PTPDC1: variants seen among roughly 807,000 people sequenced by gnomAD.
PTPDC1 encodes the protein protein tyrosine phosphatase domain containing 1, also known as protein tyrosine phosphatase domain-containing protein 1.
In PTPDC1, 53 loss-of-function variants were observed where a neutral mutation model predicts 75.3. That is an observed-to-expected ratio of 0.70 (90% CI 0.56 to 0.88). The LOEUF (loss-of-function observed/expected upper bound fraction) is 0.88, where lower values mean the gene tolerates loss of function less well. Among genes scored for constraint, PTPDC1 ranks in the 40% least tolerant of loss-of-function variants. The pLI is 0.00. For synonymous variants in PTPDC1, 349 were observed against 366.2 expected, an observed-to-expected ratio of 0.95 and a Z score of 0.54; for missense variants, 925 against 998.6, an observed-to-expected ratio of 0.93 and a Z score of 0.99.
chr9:94,058,787 G>A (rs560562789), intron 1 of PTPDC1, among the ~76,000 whole-genome samples: 3 of 150,436 alleles, frequency 2.0e-5, no homozygotes, highest in Admixed American at 6.6e-5. Context: ...TCAGGAGTTC[G>A]AGACCAGCCT....
intron 2 of PTPDC1, among the ~76,000 whole-genome samples, chr9:94,075,251 G>A (rs559640154): frequency 1.3e-5 from 2 of 152,326 alleles, no homozygotes; most frequent in African/African-American, 4.8e-5. Context: ...AAACCACCCA[G>A]TGGGGGAATC....
intron 5 of PTPDC1, among the ~76,000 whole-genome samples, chr9:94,096,642 C>T (rs1827579474): frequency 6.6e-6 from 1 of 152,068 alleles, no homozygotes; most frequent in Non-Finnish European, 1.5e-5. Flanking sequence ...TACCACTAAG[C>T]CTGGCTTCCT....
At chr9:94,072,274 G>T (rs1564020746) in intron 2 of PTPDC1, among the ~76,000 whole-genome samples, 1 of 152,156 alleles carries the variant, frequency 6.6e-6, no homozygotes. Flanking sequence ...GCAAAGTGCT[G>T]GGATTATAGG....
In PTPDC1 at chr9:94,107,894, C is replaced by A. The variant is rs2118120097; in HGVS notation, c.2377C>A (p.Leu793Met). 1 of 1,609,958 alleles carries A rather than the reference C, an allele frequency of 6.2e-7. No homozygotes were observed. Among genetic ancestry groups the A allele is most frequent in the Middle Eastern group, 1.7e-4 (1 of 6,058 alleles). The change falls in exon 9 of 9, where the codon CTG becomes ATG. Residue 793 changes from leucine to methionine, a missense_variant. Leu to Met is a conservative substitution (Grantham distance 15). Transcript: ENST00000620992. ...NTLKKIFKHT[L>M]EEKRKMTKDG... ...CCTGAAGAAAATATTTAAGCACACGCTGGAAGAAAAAAGAAAAATGACAAA... is the reference window on the plus strand; with the variant it reads ...CCTGAAGAAAATATTTAAGCACACGATGGAAGAAAAAAGAAAAATGACAAA...
At chr9:94,088,105 G>C (rs373766809) in intron 3 of PTPDC1, 40 bp from the exon 4 acceptor site, 2 of 1,590,376 alleles carry the variant, frequency 1.3e-6, no homozygotes, top group Non-Finnish European at 1.7e-6. Context: ...TTTTTTAAAT[G>C]CTAGCTCCCA....
At chr9:94,045,597 A>G (rs1418877256) in intron 1 of PTPDC1, among the ~76,000 whole-genome samples, 1 of 152,196 alleles carries the variant, frequency 6.6e-6, no homozygotes, top group Non-Finnish European at 1.5e-5. Flanking sequence ...ATGGCCAGTG[A>G]TGATGAGCAT....
intron 3 of PTPDC1, 40 bp from the exon 4 acceptor site, chr9:94,088,105 G>A: frequency 6.3e-7 from 1 of 1,590,494 alleles, no homozygotes; most frequent in Non-Finnish European, 8.5e-7. Flanking sequence ...TTTTTTAAAT[G>A]CTAGCTCCCA....
intron 5 of PTPDC1, among the ~76,000 whole-genome samples, chr9:94,096,739 A>T (rs980076466): frequency 1.3e-5 from 2 of 152,172 alleles, no homozygotes; most frequent in Non-Finnish European, 2.9e-5. Context: ...TATAGGCACA[A>T]TCTGGAAAAA....
intron 6 of PTPDC1, chr9:94,100,401 A>G (rs1827795330): frequency 6.6e-6 from 1 of 152,240 alleles, no homozygotes; most frequent in African/African-American, 2.4e-5. Flanking sequence ...ATCAAGAGCT[A>G]CTTTGTTTTA....
At chr9:94,082,438 A>G (rs1179694056), upstream of PTPDC1, among the ~76,000 whole-genome samples, 2 of 152,226 alleles carry the variant, frequency 1.3e-5, no homozygotes, top group East Asian at 3.8e-4. Context: ...CTGCCCACTT[A>G]TAGAAATTAA....
intron 1 of PTPDC1, chr9:94,031,264 G>A (rs1048377070): frequency 3.3e-5 from 5 of 152,160 alleles, no homozygotes; most frequent in Non-Finnish European, 7.3e-5. Context: ...AAAGTTTAAA[G>A]GTCTTGGATT....
chr9:94,082,928 T>G (rs146780653), upstream of PTPDC1, among the ~76,000 whole-genome samples: 1 of 152,198 alleles, frequency 6.6e-6, no homozygotes, highest in Non-Finnish European at 1.5e-5. Flanking sequence ...TCATTTTTAG[T>G]GTAGTTGAAA....
chr9:94,068,027 T>C (rs1478323099), intron 2 of PTPDC1, among the ~76,000 whole-genome samples: 1 of 152,204 alleles, frequency 6.6e-6, no homozygotes, highest in Non-Finnish European at 1.5e-5. Context: ...AATATCGACA[T>C]GATATTTTCT....
chr9:94,036,601 G>A (rs1305716723), intron 1 of PTPDC1, among the ~76,000 whole-genome samples: 1 of 152,092 alleles, frequency 6.6e-6, no homozygotes, highest in Non-Finnish European at 1.5e-5. Context: ...GTAACTTTTT[G>A]AGTGATAAGT....
At chr9:94,069,707 G>T (rs903996567) in intron 2 of PTPDC1, among the ~76,000 whole-genome samples, 4 of 150,630 alleles carry the variant, frequency 2.7e-5, no homozygotes, top group African/African-American at 9.8e-5. Context: ...TAGAGACGGG[G>T]TTTCACCATG....
At chr9:94,052,742 T>C (rs577784267) in intron 1 of PTPDC1, among the ~76,000 whole-genome samples, 34 of 152,282 alleles carry the variant, frequency 2.2e-4, no homozygotes, top group South Asian at 2.1e-4. Flanking sequence ...TCCAGCACAG[T>C]TTGTTGGAAA....
upstream of PTPDC1, among the ~76,000 whole-genome samples, chr9:94,080,111 G>T (rs1205510324): frequency 6.6e-6 from 1 of 152,198 alleles, no homozygotes; most frequent in African/African-American, 2.4e-5. Flanking sequence ...AACATAGGCA[G>T]GATGAGGAGA....
chr9:94,103,292 G>C (rs1469196832), intron 7 of PTPDC1, among the ~76,000 whole-genome samples: 1 of 152,168 alleles, frequency 6.6e-6, no homozygotes. Context: ...ACTGGGCCAA[G>C]CCCTTCAGGA....
rs764775798 is a variant in PTPDC1, at chr9:94,097,641, G to A, written c.1075G>A (p.Val359Met). 1.9e-6 allele frequency: 3 copies of A among 1,614,082 alleles called. No individual in the cohort carries two copies. The highest frequency in any genetic ancestry group is 2.7e-5 in the African/African-American group (2 of 75,054). The change falls in exon 6 of 9, where the codon GTG (valine) becomes ATG (methionine). Residue 359 changes from valine to methionine, a missense_variant. Physicochemically the swap from Val to Met is conservative, Grantham distance 21 (BLOSUM62 1). Coordinates refer to ENST00000620992, the MANE Select transcript of PTPDC1 (RefSeq NM_001253829.2). ...LLLDLAENRP[V>M]MMKDVSEGPG... ...GCTGGACTTAGCGGAGAACAGGCCA[G>A]TGATGATGAAGGATGTGTCCGAAGG... is the stretch of plus-strand genomic sequence containing the variant.
Sources: allele counts gnomAD v4.1 joint callset (sites outside exome capture counted in the v4.1 genomes callset), GRCh38; gene constraint gnomAD v4.1.1; transcripts MANE v1.5; gene names NCBI Gene and HGNC (gene_info 2026-07-23, HGNC 2026-07-21).